The following KPNA6 variants were observed in gnomAD, a reference collection of about 807,000 sequenced individuals.
KPNA6 encodes the protein karyopherin subunit alpha 6, also known as importin subunit alpha-7.
In KPNA6, 9 loss-of-function variants were observed where a neutral mutation model predicts 72.0. That is an observed-to-expected ratio of 0.13 (90% CI 0.08 to 0.22). The LOEUF is 0.22. Ranked by LOEUF, KPNA6 falls within the 10% of genes least tolerant of loss-of-function variation. The pLI is 1.00. For synonymous variants in KPNA6, 219 were observed against 242.1 expected (o/e 0.90, Z 0.89); for missense variants, 374 against 655.7 (o/e 0.57, Z 4.69).
At chr1:32,145,036 T>G (rs1169871253) in intron 1 of KPNA6, among the ~76,000 whole-genome samples, 1 of 150,054 alleles carries the variant, frequency 6.7e-6, no homozygotes, top group Admixed American at 6.7e-5. Flanking sequence ...CACTGCAAAC[T>G]CCGCCTCCCA....
chr1:32,119,009 TATATATATATATATATATATATA>T (rs1429452491), intron 1 of KPNA6, among the ~76,000 whole-genome samples: 990 of 66,698 alleles, frequency 0.015, 24 homozygotes, highest in Middle Eastern at 0.033. Context: ...TATATATATA[TATATATATATATATATATATATA>T]TTTTTTTTTT....
intron 1 of KPNA6, among the ~76,000 whole-genome samples, chr1:32,131,659 CACACA>C (rs1641640159): frequency 6.6e-6 from 1 of 150,784 alleles, no homozygotes; most frequent in Non-Finnish European, 1.5e-5. Context: ...TATATATACA[CACACA>C]ACAAAGGAGT....
intron 12 of KPNA6, among the ~76,000 whole-genome samples, chr1:32,168,365 A>G (rs1197952890): frequency 6.6e-6 from 1 of 152,080 alleles, no homozygotes; most frequent in Non-Finnish European, 1.5e-5. Flanking sequence ...AATTTTTTGT[A>G]CTTTTAGTAG....
At chr1:32,110,011 C>G (rs1317654955) in intron 1 of KPNA6, among the ~76,000 whole-genome samples, 2 of 148,232 alleles carry the variant, frequency 1.3e-5, no homozygotes, top group Non-Finnish European at 1.5e-5. Flanking sequence ...ATTGATAACT[C>G]TAATTATTGT....
chr1:32,139,964 A>G (rs542881499), intron 1 of KPNA6, among the ~76,000 whole-genome samples: 6 of 152,342 alleles, frequency 3.9e-5, no homozygotes, highest in African/African-American at 1.2e-4. Flanking sequence ...ACAATGTGTG[A>G]ACCTTGGCTG....
chr1:32,142,380 C>T (rs1281297789), intron 1 of KPNA6, among the ~76,000 whole-genome samples: 1 of 151,678 alleles, frequency 6.6e-6, no homozygotes, highest in Middle Eastern at 3.2e-3. Context: ...GTTTTAAGGA[C>T]ACCAGTTACT....
At chr1:32,170,668 G>C in intron 13 of KPNA6, 39 bp from the exon 14 acceptor site, 1 of 1,569,418 alleles carries the variant, frequency 6.4e-7, no homozygotes, top group South Asian at 1.1e-5. Flanking sequence ...CCATAGAAAA[G>C]CACTCACACT....
At position 32,108,079 on chromosome 1, in the gene KPNA6, C is replaced by G. The variant is rs1641174357; in HGVS notation, c.-52C>G. On this transcript the variant is annotated 5_prime_UTR_variant, in exon 1 of 14. Coordinates refer to ENST00000373625, the MANE Select transcript of KPNA6 (RefSeq NM_012316.5). The stretch of plus-strand genomic sequence containing the variant: ...CCATATTGTCTACTGAAAGCTGCCG[C>G]TGAAGCTGCCGCCGTTGCCTCCGCC... 2 of 1,613,618 alleles carry G rather than the reference C, an allele frequency of 1.2e-6. No individual in the cohort carries two copies. Among genetic ancestry groups the G allele is most frequent in the Admixed American group, 1.7e-5 (1 of 60,000 alleles).
intron 12 of KPNA6, among the ~76,000 whole-genome samples, chr1:32,169,630 G>GT (rs1642400978): frequency 9.1e-6 from 1 of 109,532 alleles, no homozygotes; most frequent in Non-Finnish European, 1.9e-5. Flanking sequence ...TTTTTTTTTT[G>GT]TATTTTTTTT....
intron 4 of KPNA6, 35 bp from the exon 5 acceptor site, chr1:32,158,232 T>C (rs1642177726): frequency 7.0e-7 from 1 of 1,432,446 alleles, no homozygotes; most frequent in Non-Finnish European, 9.8e-7. Flanking sequence ...CAAAAGCTTC[T>C]CCTGTGTTTT....
intron 1 of KPNA6, among the ~76,000 whole-genome samples, chr1:32,119,013 TATATATATATATATATATA>T (rs1557457064): frequency 3.4e-4 from 26 of 75,762 alleles, no homozygotes; most frequent in Admixed American, 7.8e-4. Context: ...TATATATATA[TATATATATATATATATATA>T]TTTTTTTTTT....
intron 1 of KPNA6, among the ~76,000 whole-genome samples, chr1:32,145,015 C>T (rs148731613): frequency 4.7e-4 from 70 of 150,214 alleles, no homozygotes; most frequent in Middle Eastern, 7.0e-3. Context: ...TGCAGTGGCG[C>T]GATCTCGGCT....
At chr1:32,135,633 A>ATTTT (rs746020031) in intron 1 of KPNA6, among the ~76,000 whole-genome samples, 1 of 121,334 alleles carries the variant, frequency 8.2e-6, no homozygotes, top group Non-Finnish European at 1.8e-5. Context: ...ATGCTTGGCC[A>ATTTT]TTTTTTTTTT....
chr1:32,158,474 A>G, intron 5 of KPNA6, 113 bp downstream of exon 5: 2 of 621,368 alleles, frequency 3.2e-6, no homozygotes, highest in Non-Finnish European at 5.7e-6. Flanking sequence ...TGCAATTTGA[A>G]ATAAGCAAAT....
At chr1:32,109,369 G>C (rs192222038) in intron 1 of KPNA6, among the ~76,000 whole-genome samples, 1 of 151,838 alleles carries the variant, frequency 6.6e-6, no homozygotes, top group Admixed American at 6.6e-5. Flanking sequence ...ACAGGGTTTC[G>C]TCATGTTGGC....
chr1:32,162,875 C>T (rs1310340757), intron 9 of KPNA6, among the ~76,000 whole-genome samples: 7 of 149,152 alleles, frequency 4.7e-5, no homozygotes, highest in African/African-American at 1.7e-4. Context: ...GAGGCTGAGG[C>T]GGGTGGATCA....
intron 1 of KPNA6, among the ~76,000 whole-genome samples, chr1:32,115,083 G>T (rs186945456): frequency 1.3e-5 from 2 of 151,510 alleles, no homozygotes; most frequent in African/African-American, 4.9e-5. Flanking sequence ...CAAGTGATCC[G>T]CCCACCTCAG....
At chr1:32,119,786 C>T (rs1641398937) in intron 1 of KPNA6, among the ~76,000 whole-genome samples, 1 of 150,938 alleles carries the variant, frequency 6.6e-6, no homozygotes, top group Admixed American at 6.6e-5. Flanking sequence ...GCACTGTCGC[C>T]CAGGCTAGAG....
At chr1:32,144,588 C>A (rs934199005) in intron 1 of KPNA6, among the ~76,000 whole-genome samples, 1 of 152,124 alleles carries the variant, frequency 6.6e-6, no homozygotes, top group East Asian at 1.9e-4. Flanking sequence ...TCTTAGCCAG[C>A]GTGTGCTTTT....
Sources: allele counts gnomAD v4.1 joint callset (sites outside exome capture counted in the v4.1 genomes callset), GRCh38; gene constraint gnomAD v4.1.1; transcripts MANE v1.5; gene names NCBI Gene and HGNC (gene_info 2026-07-23, HGNC 2026-07-21).